Variants in PRKD1 observed in about 807,000 individuals in gnomAD.
The protein encoded by PRKD1 is protein kinase D1.
Under a neutral mutation model 95.9 loss-of-function variants are expected in PRKD1, and 63 were observed. The ratio of observed to expected loss-of-function variants is 0.66; its 90% CI spans 0.54 to 0.81. The LOEUF is 0.81. PRKD1 is among the 30% of genes least tolerant of loss of function. The probability of loss-of-function intolerance (pLI) is 0.00; values close to 1 mark genes in which losing one functional copy is unlikely to be tolerated. For synonymous variants in PRKD1, 425 were observed against 423.1 expected, an observed-to-expected ratio of 1.00 and a Z score of -0.05; for missense variants, 1,048 against 1,165.3, an observed-to-expected ratio of 0.90 and a Z score of 1.47.
chr14:29,577,181 C>A lies in PRKD1; in HGVS notation c.*57G>T. 6.5e-7 allele frequency: 1 copy of A among 1,536,290 alleles called. No individual in the cohort carries two copies. Among genetic ancestry groups the A allele is most frequent in the Non-Finnish European group, 9.0e-7 (1 of 1,112,956 alleles). On this transcript the variant is annotated 3_prime_UTR_variant, in exon 18 of 18. Coordinates refer to ENST00000331968, the MANE Select transcript of PRKD1 (RefSeq NM_002742.3). ...CAGTTCTGCAAGGCAAATGTTAAAC[C>A]TGACCGTATGTATTTATTAGTTCCA...
intron 2 of PRKD1, among the ~76,000 whole-genome samples, chr14:29,698,617 T>C (rs1010833555): frequency 6.6e-6 from 1 of 151,920 alleles, no homozygotes; most frequent in African/African-American, 2.4e-5. Context: ...CCTTCCTCTA[T>C]AGAACGTCAT....
rs149503484 is a variant in PRKD1, at chr14:29,780,695, T to C, written c.265-55021A>G. Reference sequence around the variant, plus strand: ...AACACTTTTACATTGTTGGTGGGACTGTAAACTAGTTCAACCATCGTGGAA... The same window carrying C: ...AACACTTTTACATTGTTGGTGGGACCGTAAACTAGTTCAACCATCGTGGAA... On this transcript the variant is annotated intron_variant, in intron 1 of 17. Coordinates refer to ENST00000331968, the MANE Select transcript of PRKD1 (RefSeq NM_002742.3). 6.2e-3 allele frequency among the ~76,000 whole-genome samples: 946 copies of C among 152,336 alleles called. 15 individuals are homozygous for C. Among genetic ancestry groups the C allele is most frequent in the African/African-American group, 0.021 (881 of 41,570 alleles).
intron 1 of PRKD1, among the ~76,000 whole-genome samples, chr14:29,782,823 C>T (rs1009810101): frequency 1.3e-5 from 2 of 152,126 alleles, no homozygotes; most frequent in African/African-American, 4.8e-5. Flanking sequence ...GTATTACAGG[C>T]GTGAGCCACT....
intron 1 of PRKD1, among the ~76,000 whole-genome samples, chr14:29,767,524 T>C (rs1888309424): frequency 6.6e-6 from 1 of 152,192 alleles, no homozygotes; most frequent in African/African-American, 2.4e-5. Context: ...TTTCTTATTT[T>C]CAGGTTAAAC....
At chr14:29,820,992 T>A (rs1890888807) in intron 1 of PRKD1, among the ~76,000 whole-genome samples, 1 of 152,134 alleles carries the variant, frequency 6.6e-6, no homozygotes, top group Non-Finnish European at 1.5e-5. Context: ...ACTCTGGAAG[T>A]CATTAACAGT....
At chr14:29,679,274 T>C (rs1566534465) in intron 2 of PRKD1, among the ~76,000 whole-genome samples, 2 of 152,200 alleles carry the variant, frequency 1.3e-5, no homozygotes, top group African/African-American at 4.8e-5. Context: ...TAAACGATTC[T>C]GAGCAAAAAT....
intron 1 of PRKD1, among the ~76,000 whole-genome samples, chr14:29,908,641 AAAAC>A (rs1402476580): frequency 6.6e-6 from 1 of 152,238 alleles, no homozygotes; most frequent in Non-Finnish European, 1.5e-5. Flanking sequence ...ATTTCAAAGA[AAAAC>A]AAACAAAAAA....
At chr14:29,910,938 G>T (rs918054384) in intron 1 of PRKD1, among the ~76,000 whole-genome samples, 1 of 152,034 alleles carries the variant, frequency 6.6e-6, no homozygotes, top group Admixed American at 6.6e-5. Context: ...GAAATTGTGT[G>T]GAATCACACA....
intron 1 of PRKD1, among the ~76,000 whole-genome samples, chr14:29,807,200 T>A (rs1324623297): frequency 6.6e-6 from 1 of 152,088 alleles, no homozygotes; most frequent in Non-Finnish European, 1.5e-5. Flanking sequence ...AAAGCAGAGC[T>A]CAGACGGTAA....
intron 2 of PRKD1, among the ~76,000 whole-genome samples, chr14:29,690,411 C>T (rs1884160361): frequency 6.6e-6 from 1 of 152,152 alleles, no homozygotes; most frequent in South Asian, 2.1e-4. Flanking sequence ...TTGTCATATT[C>T]CTACACCCAA....
intron 2 of PRKD1, among the ~76,000 whole-genome samples, chr14:29,683,949 C>T (rs1055386202): frequency 6.6e-6 from 1 of 152,194 alleles, no homozygotes; most frequent in Non-Finnish European, 1.5e-5. Flanking sequence ...CTAGTGGTAT[C>T]TGAACCCAAT....
chr14:29,749,187 C>T (rs1020537878), intron 1 of PRKD1, among the ~76,000 whole-genome samples: 2 of 152,118 alleles, frequency 1.3e-5, no homozygotes, highest in Non-Finnish European at 2.9e-5. Flanking sequence ...CTTCATTCTG[C>T]TGTTATCTTA....
intron 1 of PRKD1, among the ~76,000 whole-genome samples, chr14:29,754,721 G>C (rs1360741122): frequency 6.6e-6 from 1 of 151,796 alleles, no homozygotes; most frequent in Non-Finnish European, 1.5e-5. Context: ...TTTTAAAAAA[G>C]TTTACTATGA....
At chr14:29,905,881 G>A (rs1361348986) in intron 1 of PRKD1, among the ~76,000 whole-genome samples, 5 of 152,190 alleles carry the variant, frequency 3.3e-5, no homozygotes, top group East Asian at 1.9e-4. Context: ...TCCACCCAGC[G>A]GGGCTTATAA....
intron 4 of PRKD1, among the ~76,000 whole-genome samples, chr14:29,657,231 T>G (rs1881908497): frequency 6.6e-6 from 1 of 152,230 alleles, no homozygotes; most frequent in South Asian, 2.1e-4. Flanking sequence ...AGAGCTTAAT[T>G]AAGTAGATAA....
At chr14:29,640,040 C>T (rs1207679818) in intron 4 of PRKD1, among the ~76,000 whole-genome samples, 1 of 151,954 alleles carries the variant, frequency 6.6e-6, no homozygotes, top group Non-Finnish European at 1.5e-5. Context: ...ACTTTTGAAC[C>T]GTTGTTATAA....
intron 13 of PRKD1, among the ~76,000 whole-genome samples, chr14:29,604,313 T>A (rs948936765): frequency 6.6e-6 from 1 of 152,186 alleles, no homozygotes; most frequent in Non-Finnish European, 1.5e-5. Flanking sequence ...ATTATTCTAC[T>A]CAAACATATG....
chr14:29,752,316 C>G (rs1230474509), intron 1 of PRKD1, among the ~76,000 whole-genome samples: 2 of 152,018 alleles, frequency 1.3e-5, no homozygotes, highest in Non-Finnish European at 2.9e-5. Context: ...GTATGCTGAG[C>G]TAGAGAAGTG....
chr14:29,585,624 G>A (rs1267198555), intron 16 of PRKD1, among the ~76,000 whole-genome samples: 2 of 152,082 alleles, frequency 1.3e-5, no homozygotes, highest in Admixed American at 6.6e-5. Flanking sequence ...TAATGAACTA[G>A]GCATATGGTT....
Sources: allele counts gnomAD v4.1 joint callset (sites outside exome capture counted in the v4.1 genomes callset), GRCh38; gene constraint gnomAD v4.1.1; transcripts MANE v1.5; gene names NCBI Gene and HGNC (gene_info 2026-07-23, HGNC 2026-07-21).